Variants in P2RX4 observed in about 807,000 individuals in gnomAD.
P2RX4 encodes the protein P2X purinoceptor 4.
P2RX4 carries 37 observed loss-of-function variants against 48.0 expected under a neutral mutation model. The observed-to-expected ratio is 0.77, with a 90% CI of 0.59 to 1.01. The LOEUF (loss-of-function observed/expected upper bound fraction) is 1.01, where lower values mean the gene tolerates loss of function less well. Ranked by LOEUF, P2RX4 falls within the 50% of genes least tolerant of loss-of-function variation. The pLI is 0.00. For missense variants in P2RX4, 501 were observed against 521.4 expected, an observed-to-expected ratio of 0.96 and a Z score of 0.38; for synonymous variants, 200 against 199.7, an observed-to-expected ratio of 1.00 and a Z score of -0.01.
intron 2 of P2RX4, among the ~76,000 whole-genome samples, chr12:121,221,048 G>A (rs1886561601): frequency 6.6e-6 from 1 of 152,048 alleles, no homozygotes; most frequent in African/African-American, 2.4e-5. Flanking sequence ...TCGGCTCACT[G>A]CAACCTCCAC....
chr12:121,223,276 A>G (rs188111309), intron 5 of P2RX4: 25 of 476,314 alleles, frequency 5.2e-5, no homozygotes, highest in Non-Finnish European at 1.2e-5. Flanking sequence ...GGGTTTTGCC[A>G]TGTTGGCCAC....
At position 121,222,962 on chromosome 12, in the gene P2RX4, G is replaced by A. The variant is rs1886737390; in HGVS notation, c.443G>A (p.Arg148Lys). 1 of 1,612,854 alleles carries A rather than the reference G, an allele frequency of 6.2e-7. No individual in the cohort carries two copies. The change falls in exon 5 of 12, where the codon AGG becomes AAG. Residue 148 changes from arginine (R) to lysine (K), a missense_variant. Physicochemically the swap from Arg to Lys is conservative, Grantham distance 26. Coordinates refer to ENST00000337233, the MANE Select transcript of P2RX4 (RefSeq NM_002560.3). ...GTGCTTGTAGGAGTCTCAACAGGCA[G>A]GTGCGTAGCTTTCAACGGGTCTGTC... ...GTHSNGVSTG[R>K]CVAFNGSVKT...
In P2RX4 at chr12:121,217,823, A is replaced by G. The variant is rs79480725; in HGVS notation, c.282+542A>G. 1.5e-3 allele frequency among the ~76,000 whole-genome samples: 234 copies of G among 152,164 alleles called. 2 individuals are homozygous for G. In the East Asian group the frequency reaches 0.04, roughly 26 times the overall value. ...AGAGACCATTAGAGACCAAAACCCA[A>G]ACAAGAAGGAAACAGAGACAGCAGC... On this transcript the variant is annotated intron_variant, in intron 2 of 11. Transcript: ENST00000337233.
chr12:121,233,685 C>T lies in P2RX4; in HGVS notation c.*136C>T. The T allele has an allele frequency of 1.3e-6, 2 of 1,532,212 alleles. No individual in the cohort carries two copies. Among genetic ancestry groups the T allele is most frequent in the Non-Finnish European group, 1.8e-6 (2 of 1,136,916 alleles). The allele number at this position is 1,532,212 out of a possible 1,614,324, so 94.9% of individuals were successfully genotyped here. A position where few individuals can be genotyped will look rare whatever the true frequency, so the allele number is the denominator to read the frequency against. ...CTCCACTCCACAAGCACTCAGGGTT[C>T]CCCAGCAGCTCCTGTGTGTTGTGTG... On this transcript the variant is annotated 3_prime_UTR_variant, in exon 12 of 12. Transcript: ENST00000337233.
In P2RX4 at chr12:121,232,457, A is replaced by C. The variant is rs1028748995; in HGVS notation, c.928A>C (p.Thr310Pro). The C allele has an allele frequency of 3.1e-6, 5 of 1,614,160 alleles. No individual in the cohort carries two copies. Among genetic ancestry groups the C allele is most frequent in the Non-Finnish European group, 3.4e-6 (4 of 1,180,014 alleles). Residue 310 changes from threonine to proline, a missense_variant, in exon 9 of 12, where the codon ACG becomes CCG. By Grantham distance (38) the Thr-to-Pro change is conservative (BLOSUM62 -1). Coordinates refer to ENST00000337233, the MANE Select transcript of P2RX4 (RefSeq NM_002560.3). This position sits in a 1 kb window ranked among gnomAD's most constrained non-coding sequence, Gnocchi z 4.3. ...AGACCTGGCTGGCAACGAGCAGCGC[A>C]CGCTCATCAAGGCCTATGGCATCCG... ...YRDLAGNEQR[T>P]LIKAYGIRFD...
chr12:121,226,746 C>T (rs1005713549), intron 5 of P2RX4, among the ~76,000 whole-genome samples: 10 of 152,048 alleles, frequency 6.6e-5, no homozygotes, highest in Non-Finnish European at 1.5e-4. Flanking sequence ...GTGGGTGTTA[C>T]GGTACAGGAA....
chr12:121,220,814 C>G (rs1447752992), intron 2 of P2RX4, among the ~76,000 whole-genome samples: 1 of 152,168 alleles, frequency 6.6e-6, no homozygotes, highest in Non-Finnish European at 1.5e-5. Flanking sequence ...CTCTCACTCC[C>G]TGGCAACCCG....
intron 1 of P2RX4, among the ~76,000 whole-genome samples, chr12:121,210,870 T>C (rs919731147): frequency 3.3e-5 from 5 of 152,258 alleles, no homozygotes; most frequent in African/African-American, 1.2e-4. Context: ...GGCTTCGCCC[T>C]GAACGTCTCA....
At chr12:121,211,905 C>T (rs1885886504) in intron 1 of P2RX4, among the ~76,000 whole-genome samples, 1 of 152,104 alleles carries the variant, frequency 6.6e-6, no homozygotes, top group Admixed American at 6.5e-5. Flanking sequence ...GAACTCCTGG[C>T]CTCAGGTGAT....
chr12:121,212,822 A>ATTTTTTTTTT (rs1358375217), intron 1 of P2RX4: 3 of 42,804 alleles, frequency 7.0e-5, no homozygotes, highest in African/African-American at 1.4e-4. Flanking sequence ...ATATATATAT[A>ATTTTTTTTTT]TATTTTTTTT....
chr12:121,220,801 C>CT (rs1886545870), intron 2 of P2RX4, among the ~76,000 whole-genome samples: 1 of 152,164 alleles, frequency 6.6e-6, no homozygotes, highest in Non-Finnish European at 1.5e-5. Context: ...CCATTCCCCA[C>CT]TTCTCTCACT....
intron 1 of P2RX4, chr12:121,216,892 A>G: frequency 1.4e-6 from 1 of 699,774 alleles, no homozygotes; most frequent in South Asian, 1.5e-5. Context: ...CTGTGCCATC[A>G]GTGTGCTGAG....
chr12:121,224,551 G>A (rs79483480), intron 5 of P2RX4, among the ~76,000 whole-genome samples: 3,870 of 152,122 alleles, frequency 0.025, 176 homozygotes, highest in African/African-American at 0.088. Flanking sequence ...GCAGTGAGCT[G>A]AGATCGCTCT....
chr12:121,228,881 T>C lies in P2RX4; in HGVS notation c.747+15T>C. The C allele has an allele frequency of 6.2e-7, 1 of 1,614,144 alleles. No individual in the cohort carries two copies. On this transcript the variant is annotated intron_variant, in intron 7 of 11. Transcript: ENST00000337233. Reference sequence around the variant, plus strand: ...TGGCCGTGGAGGTGGGTGCGGGCCCTGGCTCTCCTGACCCAGCCCTGGAGG... The same window carrying C: ...TGGCCGTGGAGGTGGGTGCGGGCCCCGGCTCTCCTGACCCAGCCCTGGAGG...
Position 121,221,486 on chromosome 12 carries a change from C to T in P2RX4, c.283-427C>T, listed in dbSNP as rs182194565. Among the ~76,000 whole-genome samples the T allele has an allele frequency of 8.5e-3, 1,280 of 150,706 alleles. 9 individuals are homozygous for T. Among genetic ancestry groups the T allele is most frequent in the Non-Finnish European group, 0.014 (958 of 67,604 alleles). On this transcript the variant is annotated intron_variant, in intron 2 of 11. Coordinates refer to ENST00000337233, the MANE Select transcript of P2RX4 (RefSeq NM_002560.3). ...TCGGCTCGCTGCAACCTCCGACTCC[C>T]GGGTTCAAGCAATTCTCCTGCCTCA... is the stretch of plus-strand genomic sequence containing the variant.
intron 4 of P2RX4, 31 bp downstream of exon 4, chr12:121,222,197 G>T (rs773885373): frequency 1.4e-6 from 2 of 1,456,758 alleles, no homozygotes; most frequent in Non-Finnish European, 1.9e-6. Flanking sequence ...GGGGAGGGCG[G>T]CCCCTGAGCA....
At chr12:121,224,567 A>C (rs11065497) in intron 5 of P2RX4, among the ~76,000 whole-genome samples, 17,460 of 152,074 alleles carry the variant, frequency 0.11, 1,347 homozygotes, top group Non-Finnish European at 0.16. Flanking sequence ...GCTCTTCTGC[A>C]CTCTAGCTTG....
At chr12:121,219,636 GATAGATAGATAGATAGAT>G (rs1886461571) in intron 2 of P2RX4, among the ~76,000 whole-genome samples, 1 of 90,724 alleles carries the variant, frequency 1.1e-5, no homozygotes, top group Non-Finnish European at 2.6e-5. Context: ...TAGATAGATA[GATAGATAGATAGATAGAT>G]AGATGGAAAG....
rs569333675 is a variant in P2RX4 at position 121,225,702 on chromosome 12, C to T, written c.524+2659C>T. 1.1e-4 allele frequency among the ~76,000 whole-genome samples: 16 copies of T among 152,200 alleles called. No individual in the cohort carries two copies. In the East Asian group the frequency reaches 1.9e-3, roughly 18 times the overall value. On this transcript the variant is annotated intron_variant, in intron 5 of 11. Transcript: ENST00000337233. Reference sequence around the variant, plus strand: ...CTGGGATTGCACGCGTGAGTCACCACGCCCGGCCCTGAATATTTATTATGA... The same window carrying T: ...CTGGGATTGCACGCGTGAGTCACCATGCCCGGCCCTGAATATTTATTATGA...
Sources: gnomAD v4.1 joint callset for allele counts (sites outside exome capture counted in the v4.1 genomes callset) on GRCh38, gnomAD v4.1.1 for gene constraint, Gnocchi (gnomAD v3.1) non-coding constraint, MANE v1.5 for transcripts, NCBI Gene and HGNC (gene_info 2026-07-23, HGNC 2026-07-21) for gene names.